Variants in RTTN observed in about 807,000 individuals in gnomAD.
RTTN encodes the protein rotatin.
A neutral mutation model predicts 269.2 loss-of-function variants in RTTN; 182 were observed. That is an observed-to-expected ratio of 0.68 (90% CI 0.60 to 0.76). The LOEUF (loss-of-function observed/expected upper bound fraction) is 0.76. Ranked by LOEUF, RTTN falls within the 30% of genes least tolerant of loss-of-function variation. The pLI is 0.00. For missense variants in RTTN, 2,545 were observed against 2,608.6 expected (o/e 0.98, Z 0.53); for synonymous variants, 1,006 against 963.5 (o/e 1.04, Z -0.82).
At chr18:70,114,012 T>A (rs2059541128) in intron 27 of RTTN, among the ~76,000 whole-genome samples, 1 of 152,216 alleles carries the variant, frequency 6.6e-6, no homozygotes, top group South Asian at 2.1e-4. Context: ...CATTCAAATG[T>A]ACATTTTAAA....
At chr18:70,196,381 G>A in intron 7 of RTTN, 120 bp downstream of exon 7, 1 of 744,914 alleles carries the variant, frequency 1.3e-6, no homozygotes, top group Non-Finnish European at 2.1e-6. Flanking sequence ...ACATTTAGGA[G>A]TGGGGAGTTT....
chr18:70,123,987 T>G (rs907491378), intron 25 of RTTN, among the ~76,000 whole-genome samples: 2 of 151,780 alleles, frequency 1.3e-5, no homozygotes, highest in Non-Finnish European at 2.9e-5. Flanking sequence ...TGTCCAGATC[T>G]CAGGGAGAGT....
intron 14 of RTTN, among the ~76,000 whole-genome samples, chr18:70,163,623 T>C (rs1258153927): frequency 1.3e-5 from 2 of 152,252 alleles, no homozygotes; most frequent in African/African-American, 4.8e-5. Context: ...AAATGTAGTA[T>C]AGGATGAGTG....
At chr18:70,164,055 G>A (rs1232757773) in intron 14 of RTTN, among the ~76,000 whole-genome samples, 4 of 152,076 alleles carry the variant, frequency 2.6e-5, no homozygotes. Flanking sequence ...TGGCTGTCAG[G>A]GGCTGGGAGA....
chr18:70,076,169 T>C (rs1160342521), intron 32 of RTTN, among the ~76,000 whole-genome samples: 1 of 152,082 alleles, frequency 6.6e-6, no homozygotes. Flanking sequence ...TTTTGCATTG[T>C]GACTTACTAC....
chr18:70,104,528 C>T (rs569179810), intron 28 of RTTN, among the ~76,000 whole-genome samples: 3 of 152,296 alleles, frequency 2.0e-5, no homozygotes, highest in Non-Finnish European at 2.9e-5. Context: ...AGCTTTGTTC[C>T]GTTGCTGACA....
Position 70,176,799 on chromosome 18 carries a change from C to T in RTTN, c.1352G>A (p.Cys451Tyr), listed in dbSNP as rs983774605. ...CAAACTGATACTACTTTTATGGTAGCACATGGTTTCTCCAAGGGCTCCCAA... is the reference window on the plus strand; with the variant it reads ...CAAACTGATACTACTTTTATGGTAGTACATGGTTTCTCCAAGGGCTCCCAA... ...LVLGALGETM[C>Y]YHKSSISLEQ... Residue 451 changes from cysteine (C) to tyrosine (Y), a missense_variant, in exon 11 of 49, where the codon TGC becomes TAC. Cys to Tyr is a radical substitution (Grantham distance 194). Transcript: ENST00000640769. 1.9e-6 allele frequency: 3 copies of T among 1,613,980 alleles called. No homozygotes were observed. Among genetic ancestry groups the T allele is most frequent in the Middle Eastern group, 1.7e-4 (1 of 6,060 alleles).
At chr18:70,163,171 C>G (rs1287371024) in intron 14 of RTTN, among the ~76,000 whole-genome samples, 1 of 145,592 alleles carries the variant, frequency 6.9e-6, no homozygotes, top group South Asian at 2.2e-4. Context: ...ATCATGAGGT[C>G]AAGAGATCGA....
Position 70,030,967 on chromosome 18 carries a change from T to C in RTTN, c.5556A>G (p.Lys1852=), listed in dbSNP as rs2056995502. 6.2e-7 allele frequency: 1 copy of C among 1,612,060 alleles called. No individual in the cohort carries two copies. Among genetic ancestry groups the C allele is most frequent in the East Asian group, 2.2e-5 (1 of 44,830 alleles). ...CTCTTTTCAGGATATCTTTGGAGGA[T>C]TTCCCTTCATAGCACTGCAGAGAAT... ...SDVILQCYEG[K]SSKDILKRVA... Residue 1852 remains lysine, a synonymous_variant, in exon 41 of 49, where the codon AAA becomes AAG. Transcript: ENST00000640769.
chr18:70,166,695 T>C lies in RTTN; in HGVS notation c.1802+224A>G, dbSNP rs189054215. ...TATAAAAATCCAAGGATTATTCATT[T>C]TGATTGTAGGCATGACATTTTTGAA... On this transcript the variant is annotated intron_variant, in intron 13 of 48. Coordinates refer to ENST00000640769, the MANE Select transcript of RTTN (RefSeq NM_173630.4). 5.9e-4 allele frequency: 231 copies of C among 391,096 alleles called. 5 individuals are homozygous for C. In the East Asian group the frequency reaches 9.6e-3, roughly 16 times the overall value. The allele number at this position is 391,096 out of a possible 1,614,324, so 24.2% of individuals were successfully genotyped here.
intron 44 of RTTN, among the ~76,000 whole-genome samples, chr18:70,024,447 T>A (rs1388430336): frequency 6.6e-6 from 1 of 152,126 alleles, no homozygotes; most frequent in Non-Finnish European, 1.5e-5. Context: ...TCCTCTCAAT[T>A]TTCCTACTAA....
At chr18:70,142,413 C>CA in intron 18 of RTTN, 26 bp from the exon 19 acceptor site, 1 of 1,082,864 alleles carries the variant, frequency 9.2e-7, no homozygotes. Flanking sequence ...AAAAAAAAAC[C>CA]AAAATTACAT....
chr18:70,058,458 C>A (rs1002665957), intron 36 of RTTN, among the ~76,000 whole-genome samples: 2 of 152,080 alleles, frequency 1.3e-5, no homozygotes, highest in Non-Finnish European at 2.9e-5. Flanking sequence ...GCGGAGGTTG[C>A]AGTGAGCCGA....
chr18:70,183,632 C>A (rs2061467648), intron 10 of RTTN, among the ~76,000 whole-genome samples: 1 of 152,136 alleles, frequency 6.6e-6, no homozygotes, highest in East Asian at 1.9e-4. Context: ...CTAAAACATT[C>A]TTTGTTGTGG....
At position 70,005,245 on chromosome 18, in the gene RTTN, G is replaced by A; in HGVS notation, c.6548C>T (p.Pro2183Leu). Reference sequence around the variant, plus strand: ...TTCATCCACTCTTCTTTTTACTGATGGGCTTTTCAAAGCTGTTTTTGCCTA... The same window carrying A: ...TTCATCCACTCTTCTTTTTACTGATAGGCTTTTCAAAGCTGTTTTTGCCTA... ...YQKAKTALKS[P>L]SVKRRVDEAY... is the part of the protein sequence containing the mutation. The change falls in exon 48 of 49, where the codon CCA (proline) becomes CTA (leucine). Residue 2183 changes from proline (P) to leucine (L), a missense_variant. Coordinates refer to ENST00000640769, the MANE Select transcript of RTTN (RefSeq NM_173630.4). 6.2e-7 allele frequency: 1 copy of A among 1,612,304 alleles called. No individual in the cohort carries two copies. The highest frequency in any genetic ancestry group is 1.3e-5 in the African/African-American group (1 of 74,878).
At chr18:70,071,366 C>T (rs2058290146) in intron 34 of RTTN, among the ~76,000 whole-genome samples, 1 of 152,040 alleles carries the variant, frequency 6.6e-6, no homozygotes, top group South Asian at 2.1e-4. Context: ...ATTATATTTC[C>T]CACATATTTT....
chr18:70,022,064 T>A (rs2056720947), intron 44 of RTTN, among the ~76,000 whole-genome samples: 1 of 152,192 alleles, frequency 6.6e-6, no homozygotes, highest in African/African-American at 2.4e-5. Flanking sequence ...ATTATGACCA[T>A]AAATTCTAAT....
intron 37 of RTTN, among the ~76,000 whole-genome samples, chr18:70,056,371 T>C (rs1054182478): frequency 2.0e-5 from 3 of 152,224 alleles, no homozygotes; most frequent in Non-Finnish European, 4.4e-5. Flanking sequence ...CTCATCTCTC[T>C]GGGCCTCAGG....
chr18:70,006,529 G>A lies in RTTN; in HGVS notation c.6422-45C>T, dbSNP rs746953922. 1.1e-5 allele frequency: 15 copies of A among 1,392,556 alleles called. No individual in the cohort carries two copies. The African/African-American group carries it at 2.1e-4, about 20-fold the overall frequency. 86.3% of individuals were successfully genotyped at this position (1,392,556 alleles called of 1,614,324 possible). A position where few individuals can be genotyped will look rare whatever the true frequency, so the allele number is the denominator to read the frequency against. On this transcript the variant is annotated intron_variant, in intron 46 of 48. Transcript: ENST00000640769. ...TTTTAAAAGTTCAGTCCCAGACACT[G>A]CATTGTATTCTTATCTTGGACTAGT...
Sources: allele counts gnomAD v4.1 joint callset (sites outside exome capture counted in the v4.1 genomes callset), GRCh38; gene constraint gnomAD v4.1.1; transcripts MANE v1.5; gene names NCBI Gene and HGNC (gene_info 2026-07-23, HGNC 2026-07-21).